GPHN: variants seen among roughly 807,000 people sequenced by gnomAD.
GPHN encodes gephyrin.
Under a neutral mutation model 95.5 loss-of-function variants are expected in GPHN, and 17 were observed. The observed-to-expected ratio is 0.18, with a 90% CI of 0.12 to 0.27. The LOEUF (loss-of-function observed/expected upper bound fraction) is 0.27, where lower values mean the gene tolerates loss of function less well. GPHN is among the 10% of genes least tolerant of loss of function. GPHN has a pLI of 1.00. For synonymous variants in GPHN, 320 were observed against 322.5 expected (o/e 0.99, Z 0.08); for missense variants, 660 against 978.1 (o/e 0.67, Z 4.34).
the GPHN span, among the ~76,000 whole-genome samples, chr14:67,489,115 C>T: frequency 2.6e-5 from 4 of 152,192 alleles, no homozygotes; most frequent in Admixed American, 6.5e-5. Context: ...CTTATAGCAA[C>T]TAACATATGG....
At chr14:67,152,279 G>A (rs1025407254) in intron 18 of GPHN, among the ~76,000 whole-genome samples, 1 of 152,000 alleles carries the variant, frequency 6.6e-6, no homozygotes, top group Non-Finnish European at 1.5e-5. Context: ...TGCTACACTT[G>A]CCATAAATGT....
chr14:66,532,644 A>G (rs568930652), intron 1 of GPHN, among the ~76,000 whole-genome samples: 18 of 152,324 alleles, frequency 1.2e-4, no homozygotes, highest in African/African-American at 4.3e-4. Flanking sequence ...TAGCTTTAGT[A>G]AAAGGGAACA....
chr14:66,775,354 T>G (rs2059343237), intron 2 of GPHN, among the ~76,000 whole-genome samples: 1 of 152,152 alleles, frequency 6.6e-6, no homozygotes, highest in Non-Finnish European at 1.5e-5. Context: ...CAAAGGCAGT[T>G]AGGTAATTTG....
the GPHN span, among the ~76,000 whole-genome samples, chr14:67,413,517 G>C: frequency 1.4e-4 from 21 of 152,238 alleles, no homozygotes; most frequent in Admixed American, 9.8e-4. Flanking sequence ...AGGTGAACCA[G>C]CTTGTGGAAG....
At chr14:67,070,716 AT>A (rs145399290) in intron 11 of GPHN, among the ~76,000 whole-genome samples, 23 of 70,808 alleles carry the variant, frequency 3.2e-4, no homozygotes, top group South Asian at 1.4e-3. Context: ...AAAAAAAAAA[AT>A]ATATATATAT....
At chr14:66,927,320 G>C (rs1211100480) in intron 8 of GPHN, among the ~76,000 whole-genome samples, 2 of 148,618 alleles carry the variant, frequency 1.3e-5, no homozygotes, top group African/African-American at 5.1e-5. Flanking sequence ...CTGCACTTCA[G>C]CCTGCGTGAT....
chr14:67,314,568 G>A, the GPHN span, among the ~76,000 whole-genome samples: 2 of 152,152 alleles, frequency 1.3e-5, no homozygotes, highest in Admixed American at 1.3e-4. Flanking sequence ...TGGAGTGTTG[G>A]GTAGCCATTG....
At chr14:67,070,715 A>AAAAAAATATATATATAT in intron 11 of GPHN, among the ~76,000 whole-genome samples, 8 of 80,698 alleles carry the variant, frequency 9.9e-5, no homozygotes, top group African/African-American at 7.5e-4. Context: ...AAAAAAAAAA[A>AAAAAAATATATATATAT]ATATATATAT....
At chr14:66,758,679 T>C (rs112939168) in intron 2 of GPHN, among the ~76,000 whole-genome samples, 4,190 of 152,238 alleles carry the variant, frequency 0.028, 75 homozygotes, top group African/African-American at 0.057. Flanking sequence ...TTTGGGTGCA[T>C]GGGGCTTGGC....
At chr14:67,356,131 C>CT in the GPHN span, among the ~76,000 whole-genome samples, 1 of 151,936 alleles carries the variant, frequency 6.6e-6, no homozygotes, top group East Asian at 1.9e-4. Flanking sequence ...TACTAATAAA[C>CT]TTTTTTGGCC....
At chr14:67,388,195 T>C in the GPHN span, 1 of 1,512,630 alleles carries the variant, frequency 6.6e-7, no homozygotes, top group Non-Finnish European at 9.2e-7. Context: ...CCCTGAGATC[T>C]TCAGGCCAGG....
intron 2 of GPHN, among the ~76,000 whole-genome samples, chr14:66,687,485 G>GTTTTT (rs1468240848): frequency 2.8e-5 from 4 of 143,750 alleles, no homozygotes; most frequent in Admixed American, 6.9e-5. Context: ...TATTTTATTT[G>GTTTTT]GTTTTTTTTT....
the GPHN span, among the ~76,000 whole-genome samples, chr14:67,319,552 G>A: frequency 6.8e-6 from 1 of 147,832 alleles, no homozygotes; most frequent in African/African-American, 2.5e-5. Flanking sequence ...CACATTAGAA[G>A]AAGAATAGTC....
rs111969334 is a variant in GPHN at position 67,168,896 on chromosome 14, A to T, written c.1976-37A>T. On this transcript the variant is annotated intron_variant, in intron 20 of 22. Transcript: ENST00000478722. Reference sequence around the variant, plus strand: ...ACATAATTATTTGGCAAATTGTTACACAGTGTATTATAAATAACTGCTTGG... The same window carrying T: ...ACATAATTATTTGGCAAATTGTTACTCAGTGTATTATAAATAACTGCTTGG... 61 of 1,270,908 alleles carry T rather than the reference A, an allele frequency of 4.8e-5. 2 individuals carry two copies. In the African/African-American group the frequency reaches 5.0e-4, roughly 10 times the overall value. 78.7% of individuals were successfully genotyped at this position (1,270,908 alleles called of 1,614,324 possible).
chr14:66,992,529 T>C lies in GPHN; in HGVS notation c.963+27204T>C, dbSNP rs1206244333. Among the ~76,000 whole-genome samples, 6 of 152,334 alleles carry C rather than the reference T, an allele frequency of 3.9e-5. No homozygotes were observed. The East Asian group carries it at 1.2e-3, about 29-fold the overall frequency. ...TCCTGAATGCCAATATGGGATAGTA[T>C]GAAATAGTGCTAATATAAATAATGA... On this transcript the variant is annotated intron_variant, in intron 9 of 22. Coordinates refer to ENST00000478722, the MANE Select transcript of GPHN (RefSeq NM_020806.5).
chr14:66,652,757 C>A (rs1016858187), intron 1 of GPHN, among the ~76,000 whole-genome samples: 2 of 152,016 alleles, frequency 1.3e-5, no homozygotes, highest in Non-Finnish European at 2.9e-5. Flanking sequence ...GAGCGGTTGG[C>A]AGAGAGAGAA....
intron 2 of GPHN, among the ~76,000 whole-genome samples, chr14:66,768,140 A>G (rs558043633): frequency 2.0e-5 from 3 of 152,054 alleles, no homozygotes; most frequent in Non-Finnish European, 2.9e-5. Flanking sequence ...TTAAGTTACT[A>G]AAGATAAAAC....
In GPHN at chr14:67,055,352, A is replaced by C. The variant is rs534603132; in HGVS notation, c.1007-3297A>C. Among the ~76,000 whole-genome samples the C allele has an allele frequency of 2.0e-5, 3 of 152,362 alleles. No individual in the cohort carries two copies. The South Asian group carries it at 6.2e-4, about 32-fold the overall frequency. On this transcript the variant is annotated intron_variant, in intron 10 of 22. Coordinates refer to ENST00000478722, the MANE Select transcript of GPHN (RefSeq NM_020806.5). ...CTGATCATTAGAGAAATGCAAATCA[A>C]AAACACAATGAGATACCATCTCAGG... is the stretch of plus-strand genomic sequence containing the variant.
the GPHN span, among the ~76,000 whole-genome samples, chr14:67,604,557 C>T: frequency 2.0e-5 from 3 of 151,602 alleles, no homozygotes; most frequent in African/African-American, 7.3e-5. Flanking sequence ...AAACAAAAAG[C>T]TGGGCATGGT....
Sources: gnomAD v4.1 joint callset for allele counts (sites outside exome capture counted in the v4.1 genomes callset) on GRCh38, gnomAD v4.1.1 for gene constraint, MANE v1.5 for transcripts, NCBI Gene and HGNC (gene_info 2026-07-23, HGNC 2026-07-21) for gene names.